The following GARRE1 variants were observed in gnomAD, a reference collection of about 807,000 sequenced individuals.
The protein encoded by GARRE1 is granule associated Rac and RHOG effector protein 1.
In GARRE1, 49 loss-of-function variants were observed where a neutral mutation model predicts 103.2. That is an observed-to-expected ratio of 0.47 (90% CI 0.38 to 0.60). The LOEUF (loss-of-function observed/expected upper bound fraction) is 0.60. Ranked by LOEUF, GARRE1 falls within the 20% of genes least tolerant of loss-of-function variation. The pLI, the probability that GARRE1 is intolerant of heterozygous loss-of-function variation, is 0.00. For missense variants in GARRE1, 1,199 were observed against 1,370.5 expected (o/e 0.87, Z 1.98); for synonymous variants, 505 against 532.8 (o/e 0.95, Z 0.72).
intron 1 of GARRE1, among the ~76,000 whole-genome samples, chr19:34,284,971 C>T (rs2073877626): frequency 6.6e-6 from 1 of 152,128 alleles, no homozygotes; most frequent in Non-Finnish European, 1.5e-5. Context: ...GTAGGAGGAT[C>T]ATCTGAGCCC....
chr19:34,340,265 C>T (rs1437329509), intron 9 of GARRE1, among the ~76,000 whole-genome samples: 1 of 152,154 alleles, frequency 6.6e-6, no homozygotes, highest in Admixed American at 6.6e-5. Flanking sequence ...ATCAAGAGGA[C>T]TTTTAACTCA....
intron 13 of GARRE1, among the ~76,000 whole-genome samples, 156 bp downstream of exon 13, chr19:34,351,748 G>A (rs1174716469): frequency 6.6e-6 from 1 of 152,222 alleles, no homozygotes; most frequent in South Asian, 2.1e-4. Flanking sequence ...GAAGCTCTAC[G>A]GCTGTGCTGT....
intron 6 of GARRE1, 37 bp from the exon 7 acceptor site, chr19:34,330,152 G>A (rs1189107897): frequency 2.5e-6 from 4 of 1,591,368 alleles, no homozygotes; most frequent in Non-Finnish European, 2.6e-6. Flanking sequence ...GCATGGCTTT[G>A]TCTTGAGGTG....
chr19:34,278,581 A>G (rs1044084017), intron 1 of GARRE1, among the ~76,000 whole-genome samples: 13 of 151,764 alleles, frequency 8.6e-5, no homozygotes, highest in Admixed American at 1.3e-4. Context: ...CCCCATATAT[A>G]TGGAATCACA....
intron 1 of GARRE1, among the ~76,000 whole-genome samples, chr19:34,287,268 G>C (rs2073893248): frequency 6.6e-6 from 1 of 152,136 alleles, no homozygotes. Flanking sequence ...TCTAGTATCA[G>C]AGAAGGAAGT....
At chr19:34,342,862 G>T (rs2074193737) in intron 10 of GARRE1, among the ~76,000 whole-genome samples, 1 of 151,256 alleles carries the variant, frequency 6.6e-6, no homozygotes, top group Non-Finnish European at 1.5e-5. Context: ...CTAAACTCTA[G>T]GACCTATGAC....
chr19:34,316,036 G>A (rs373640349), intron 2 of GARRE1, among the ~76,000 whole-genome samples: 4 of 152,270 alleles, frequency 2.6e-5, no homozygotes, highest in East Asian at 3.9e-4. Flanking sequence ...TCTGGATCTT[G>A]TCATAGGTAG....
intron 3 of GARRE1, among the ~76,000 whole-genome samples, chr19:34,322,904 A>G (rs2074095763): frequency 6.6e-6 from 1 of 151,918 alleles, no homozygotes; most frequent in Non-Finnish European, 1.5e-5. Context: ...TAATTTTTTT[A>G]AACTATCCCA....
At position 34,354,677 on chromosome 19, in the gene GARRE1, GA is replaced by G. The variant is rs751241919; in HGVS notation, c.*1734del. On this transcript the variant is annotated 3_prime_UTR_variant, in exon 14 of 14. Coordinates refer to ENST00000299505, the MANE Select transcript of GARRE1 (RefSeq NM_014686.5). ...ACAGAGTGAGATTCCGTCTCAACAA[GA>G]AAAAAAAAAAAGAATATATATATAT... The G allele has an allele frequency of 0.017, 2,309 of 134,294 alleles. 30 individuals carry two copies. The highest frequency in any genetic ancestry group is 0.032 in the South Asian group (136 of 4,286). 8.3% of individuals were successfully genotyped at this position (134,294 alleles called of 1,614,324 possible). A position where few individuals can be genotyped will look rare whatever the true frequency, so the allele number is the denominator to read the frequency against.
At chr19:34,327,193 A>T (rs555311588) in intron 3 of GARRE1, among the ~76,000 whole-genome samples, 2 of 152,124 alleles carry the variant, frequency 1.3e-5, no homozygotes, top group South Asian at 4.1e-4. Flanking sequence ...ATAATAAAAT[A>T]AAAAATAAAG....
chr19:34,307,799 A>ATATAT (rs1372965326), intron 2 of GARRE1, among the ~76,000 whole-genome samples: 28 of 118,464 alleles, frequency 2.4e-4, no homozygotes, highest in African/African-American at 8.8e-4. Flanking sequence ...CTATAAAAAA[A>ATATAT]AAATATATAT....
At chr19:34,313,819 G>C (rs1003473240) in intron 2 of GARRE1, among the ~76,000 whole-genome samples, 1 of 151,994 alleles carries the variant, frequency 6.6e-6, no homozygotes, top group East Asian at 1.9e-4. Flanking sequence ...TTTATTTTTT[G>C]AAACGGAGTC....
rs1349021528 is a variant in GARRE1 at position 34,300,448 on chromosome 19, G to A, written c.-26G>A. On this transcript the variant is annotated 5_prime_UTR_variant, in exon 2 of 14. Transcript: ENST00000299505. The stretch of plus-strand genomic sequence containing the variant: ...GAATCAGAACCCTGACCCACTTACG[G>A]TTGCTGGGACAATTCCCCCTCCCGC... 1.3e-6 allele frequency: 2 copies of A among 1,525,406 alleles called. No individual in the cohort carries two copies. Among genetic ancestry groups the A allele is most frequent in the South Asian group, 2.6e-5 (2 of 77,852 alleles). 94.5% of individuals were successfully genotyped at this position (1,525,406 alleles called of 1,614,324 possible). A position where few individuals can be genotyped will look rare whatever the true frequency, so the allele number is the denominator to read the frequency against.
chr19:34,288,456 C>G (rs571836286), intron 1 of GARRE1, among the ~76,000 whole-genome samples: 1 of 152,178 alleles, frequency 6.6e-6, no homozygotes, highest in African/African-American at 2.4e-5. Context: ...AAAACAGCCT[C>G]CCCTGTGTGC....
At chr19:34,277,901 A>ACCCCCCC (rs57721089) in intron 1 of GARRE1, among the ~76,000 whole-genome samples, 1 of 93,746 alleles carries the variant, frequency 1.1e-5, no homozygotes, top group Non-Finnish European at 2.2e-5. Context: ...GCTTGATTTC[A>ACCCCCCC]CCCCCCCCCC....
intron 1 of GARRE1, among the ~76,000 whole-genome samples, chr19:34,267,180 G>A (rs1041452386): frequency 2.6e-5 from 4 of 152,104 alleles, no homozygotes; most frequent in African/African-American, 9.7e-5. Flanking sequence ...GTGGGAAGTT[G>A]CCTGAGCCCG....
At chr19:34,269,082 GTTC>G (rs2073770517) in intron 1 of GARRE1, among the ~76,000 whole-genome samples, 1 of 152,106 alleles carries the variant, frequency 6.6e-6, no homozygotes. Context: ...TAGAAAAGTT[GTTC>G]TTCTGCTTAA....
intron 2 of GARRE1, among the ~76,000 whole-genome samples, chr19:34,315,053 T>G (rs1204937409): frequency 6.6e-6 from 1 of 152,216 alleles, no homozygotes; most frequent in Non-Finnish European, 1.5e-5. Flanking sequence ...GCTTTGGAAT[T>G]TCTAATACAA....
intron 3 of GARRE1, among the ~76,000 whole-genome samples, chr19:34,323,566 T>C (rs2074099122): frequency 6.6e-6 from 1 of 152,208 alleles, no homozygotes; most frequent in East Asian, 1.9e-4. Flanking sequence ...GGAATGCTAA[T>C]TGGAGGCTGT....
Sources: gnomAD v4.1 joint callset for allele counts (sites outside exome capture counted in the v4.1 genomes callset) on GRCh38, gnomAD v4.1.1 for gene constraint, MANE v1.5 for transcripts, NCBI Gene and HGNC (gene_info 2026-07-23, HGNC 2026-07-21) for gene names.